DCP2: variants seen among roughly 807,000 people sequenced by gnomAD.
DCP2 encodes decapping mRNA 2.
A neutral mutation model predicts 56.1 loss-of-function variants in DCP2; 30 were observed. The ratio of observed to expected loss-of-function variants is 0.53; its 90% CI spans 0.40 to 0.73. DCP2 has a LOEUF of 0.73. Ranked by LOEUF, DCP2 falls within the 30% of genes least tolerant of loss-of-function variation. DCP2 has a pLI of 0.00. For missense variants in DCP2, 533 were observed against 502.7 expected, an observed-to-expected ratio of 1.06 and a Z score of -0.58; for synonymous variants, 197 against 163.3, an observed-to-expected ratio of 1.21 and a Z score of -1.57.
In DCP2 at chr5:112,982,975, G is replaced by A. The variant is rs1260770612; in HGVS notation, c.54-2860G>A. ...TAGGGAGCTGGCTCTTACACTTGAG[G>A]GTTTTTCATTTTTTAAAATACAGAT... On this transcript the variant is annotated intron_variant, in intron 1 of 10. Coordinates refer to ENST00000389063, the MANE Select transcript of DCP2 (RefSeq NM_152624.6). Among the ~76,000 whole-genome samples, 5 of 152,076 alleles carry A rather than the reference G, an allele frequency of 3.3e-5. No homozygotes were observed. The South Asian group carries it at 6.2e-4, about 19-fold the overall frequency.
At chr5:112,984,552 C>G (rs909099937) in intron 1 of DCP2, 2 of 151,792 alleles carry the variant, frequency 1.3e-5, no homozygotes, top group Non-Finnish European at 2.9e-5. Context: ...CTTAAAAGCT[C>G]TGCCTAACCT....
At chr5:112,995,966 G>C (rs1340369465) in intron 4 of DCP2, among the ~76,000 whole-genome samples, 1 of 152,208 alleles carries the variant, frequency 6.6e-6, no homozygotes, top group African/African-American at 2.4e-5. Context: ...TGCAGAGAGA[G>C]ATCTGGTGTC....
At chr5:113,012,181 C>T (rs1359288367) in intron 10 of DCP2, among the ~76,000 whole-genome samples, 1 of 152,070 alleles carries the variant, frequency 6.6e-6, no homozygotes, top group Non-Finnish European at 1.5e-5. Flanking sequence ...GGCAACATAG[C>T]AAGACTCTTG....
At chr5:112,980,102 T>G (rs1199968290) in intron 1 of DCP2, among the ~76,000 whole-genome samples, 2 of 152,236 alleles carry the variant, frequency 1.3e-5, no homozygotes, top group Non-Finnish European at 2.9e-5. Flanking sequence ...TGGTGATACT[T>G]GTTTTTGATG....
intron 3 of DCP2, among the ~76,000 whole-genome samples, 154 bp downstream of exon 3, chr5:112,992,402 C>G (rs1359741985): frequency 2.6e-5 from 4 of 151,986 alleles, no homozygotes; most frequent in Non-Finnish European, 5.9e-5. Context: ...TATCCGCATG[C>G]TATGTCTGCA....
chr5:112,985,878 A>T lies in DCP2; in HGVS notation c.97A>T (p.Ile33Phe). ...TCCCAGCGAGGAAAGAGACAATGCA[A>T]TCCGAGTGTGTTTTCAGATTGAACT... The part of the protein sequence containing the change: ...HIPSEERDNA[I>F]RVCFQIELAH... The change falls in exon 2 of 11, where the codon ATC becomes TTC. Residue 33 changes from isoleucine to phenylalanine, a missense_variant. Physicochemically the swap from Ile to Phe is conservative, Grantham distance 21 (BLOSUM62 0). This residue lies in a region of DCP2 where 137 missense variants were observed against 138.2 expected (regional missense o/e 0.99). Coordinates refer to ENST00000389063, the MANE Select transcript of DCP2 (RefSeq NM_152624.6). The T allele has an allele frequency of 1.2e-6, 2 of 1,610,628 alleles. No homozygotes were observed. Among genetic ancestry groups the T allele is most frequent in the Non-Finnish European group, 1.7e-6 (2 of 1,177,096 alleles).
chr5:112,993,880 GAA>G (rs1748715470), intron 4 of DCP2, among the ~76,000 whole-genome samples: 1 of 151,930 alleles, frequency 6.6e-6, no homozygotes, highest in African/African-American at 2.4e-5. Flanking sequence ...TTATAAATAT[GAA>G]CACATACACA....
chr5:112,989,059 GC>G (rs1450217565), intron 2 of DCP2, among the ~76,000 whole-genome samples: 14 of 152,160 alleles, frequency 9.2e-5, no homozygotes, highest in African/African-American at 3.4e-4. Flanking sequence ...GTTACTCTGT[GC>G]CAGGCCTTAT....
At chr5:112,981,758 A>G (rs1414683639) in intron 1 of DCP2, among the ~76,000 whole-genome samples, 4 of 151,938 alleles carry the variant, frequency 2.6e-5, no homozygotes, top group African/African-American at 7.3e-5. Context: ...CTATTGCTTG[A>G]TTCCTTCTAG....
intron 4 of DCP2, among the ~76,000 whole-genome samples, chr5:112,994,163 CTTT>C (rs771514208): frequency 8.0e-5 from 6 of 75,144 alleles, no homozygotes; most frequent in East Asian, 7.7e-4. Flanking sequence ...TTTTTTCTTT[CTTT>C]TTTTTTTTTT....
At chr5:112,982,571 C>T (rs1180109837) in intron 1 of DCP2, among the ~76,000 whole-genome samples, 1 of 152,188 alleles carries the variant, frequency 6.6e-6, no homozygotes, top group Non-Finnish European at 1.5e-5. Flanking sequence ...CATGGTCTAG[C>T]GTCCACATTT....
chr5:113,006,540 A>T (rs575614184), intron 8 of DCP2, among the ~76,000 whole-genome samples: 1 of 152,288 alleles, frequency 6.6e-6, no homozygotes, highest in South Asian at 2.1e-4. Context: ...CACATCACTT[A>T]CTTAGGTTAT....
intron 9 of DCP2, among the ~76,000 whole-genome samples, chr5:113,009,279 A>C (rs750551856): frequency 2.7e-4 from 41 of 152,364 alleles, no homozygotes; most frequent in Non-Finnish European, 5.3e-4. Context: ...ATTTGTCTAG[A>C]AGAACTTTGA....
rs944501897 is a variant in DCP2 at position 113,014,889 on chromosome 5, T to C, written c.*1405T>C. 6.5e-6 allele frequency: 1 copy of C among 152,676 alleles called. No individual in the cohort carries two copies. The highest frequency in any genetic ancestry group is 1.5e-5 in the Non-Finnish European group (1 of 68,046). The allele number at this position is 152,676 out of a possible 1,614,324, so 9.5% of individuals were successfully genotyped here. Reference sequence around the variant, plus strand: ...GTGTAGGTAGCCTATTTAATTGGGTTCCACTGAACCTCATGGGACTTTTAA... The same window carrying C: ...GTGTAGGTAGCCTATTTAATTGGGTCCCACTGAACCTCATGGGACTTTTAA... On this transcript the variant is annotated 3_prime_UTR_variant, in exon 11 of 11. Coordinates refer to ENST00000389063, the MANE Select transcript of DCP2 (RefSeq NM_152624.6).
At chr5:112,991,260 AG>A (rs1170855619) in intron 2 of DCP2, among the ~76,000 whole-genome samples, 1 of 152,248 alleles carries the variant, frequency 6.6e-6, no homozygotes, top group Non-Finnish European at 1.5e-5. Flanking sequence ...AACCCTTAAA[AG>A]TATGACCTCA....
At position 113,018,558 on chromosome 5, in the gene DCP2, C is replaced by G. The variant is rs1330185603; in HGVS notation, c.*5074C>G. Reference sequence around the variant, plus strand: ...TTTGTAATCTTGTCCCACATGGACCCTAACCTTTAGTAGACTTCAGTCTTT... The same window carrying G: ...TTTGTAATCTTGTCCCACATGGACCGTAACCTTTAGTAGACTTCAGTCTTT... On this transcript the variant is annotated 3_prime_UTR_variant, in exon 11 of 11. Transcript: ENST00000389063. 6.6e-6 allele frequency: 1 copy of G among 152,182 alleles called. No homozygotes were observed. Among genetic ancestry groups the G allele is most frequent in the East Asian group, 1.9e-4 (1 of 5,192 alleles). 9.4% of individuals were successfully genotyped at this position (152,182 alleles called of 1,614,324 possible).
intron 7 of DCP2, among the ~76,000 whole-genome samples, chr5:113,003,036 C>A (rs1002317521): frequency 6.6e-6 from 1 of 152,160 alleles, no homozygotes; most frequent in African/African-American, 2.4e-5. Context: ...TAGGAGTAAA[C>A]CACCTCTATA....
Position 112,992,258 on chromosome 5 carries a change from A to G in DCP2, c.333+10A>G, listed in dbSNP as rs374775735. The G allele has an allele frequency of 4.5e-5, 73 of 1,605,192 alleles. No homozygotes were observed. Among genetic ancestry groups the G allele is most frequent in the Middle Eastern group, 3.3e-4 (2 of 6,004 alleles). On this transcript the variant is annotated intron_variant, in intron 3 of 10. Coordinates refer to ENST00000389063, the MANE Select transcript of DCP2 (RefSeq NM_152624.6). ...TGAGACACTTGAAAATGTGAGTGTA[A>G]TGAAATAAAGATTTTTAGTGAAATG...
chr5:113,010,982 T>C (rs753421327), intron 10 of DCP2, among the ~76,000 whole-genome samples, 175 bp downstream of exon 10: 5 of 152,204 alleles, frequency 3.3e-5, no homozygotes, highest in Non-Finnish European at 7.3e-5. Flanking sequence ...CTGAAACAAA[T>C]TCATTTAGAT....
Sources: allele counts gnomAD v4.1 joint callset (sites outside exome capture counted in the v4.1 genomes callset), GRCh38; gene constraint gnomAD v4.1.1; regional missense constraint gnomAD v4.1.1; transcripts MANE v1.5; gene names NCBI Gene and HGNC (gene_info 2026-07-23, HGNC 2026-07-21).